The following DCAF6 variants were observed in gnomAD, a reference collection of about 807,000 sequenced individuals.
DCAF6 encodes the protein DDB1 and CUL4 associated factor 6, also known as DDB1- and CUL4-associated factor 6.
DCAF6 carries 54 observed loss-of-function variants against 125.1 expected under a neutral mutation model. The ratio of observed to expected loss-of-function variants is 0.43; its 90% CI spans 0.35 to 0.54. The LOEUF is 0.54. DCAF6 is among the 20% of genes least tolerant of loss of function. DCAF6 has a pLI of 0.01. For synonymous variants in DCAF6, 371 were observed against 390.4 expected (o/e 0.95, Z 0.58); for missense variants, 934 against 1,161.7 (o/e 0.80, Z 2.85).
chr1:167,959,649 A>C (rs1364569397), intron 2 of DCAF6, among the ~76,000 whole-genome samples: 1 of 152,136 alleles, frequency 6.6e-6, no homozygotes, highest in Non-Finnish European at 1.5e-5. Flanking sequence ...TTATCTTTTC[A>C]TATGCTCGTT....
chr1:167,872,617 C>G, the DCAF6 span, among the ~76,000 whole-genome samples: 2 of 151,742 alleles, frequency 1.3e-5, no homozygotes, highest in Non-Finnish European at 2.9e-5. Flanking sequence ...CATGCTGTTG[C>G]AATTTCATTT....
intron 4 of DCAF6, among the ~76,000 whole-genome samples, chr1:167,976,679 T>TA (rs1251369029): frequency 6.6e-6 from 1 of 152,108 alleles, no homozygotes; most frequent in East Asian, 1.9e-4. Flanking sequence ...ACTTGGAACA[T>TA]ACCTTGTTCC....
At chr1:168,034,377 G>T (rs1269285062) in intron 12 of DCAF6, among the ~76,000 whole-genome samples, 1 of 152,146 alleles carries the variant, frequency 6.6e-6, no homozygotes, top group Non-Finnish European at 1.5e-5. Context: ...TGGGCATGGT[G>T]ACACACACCT....
At chr1:167,986,965 AT>A (rs1680100297) in intron 4 of DCAF6, among the ~76,000 whole-genome samples, 1 of 152,204 alleles carries the variant, frequency 6.6e-6, no homozygotes, top group South Asian at 2.1e-4. Flanking sequence ...CATTTAAACT[AT>A]TGTTTTGAGA....
At chr1:167,986,986 G>A (rs920526498) in intron 4 of DCAF6, among the ~76,000 whole-genome samples, 11 of 152,146 alleles carry the variant, frequency 7.2e-5, no homozygotes, top group South Asian at 2.1e-4. Flanking sequence ...AGTACATTTC[G>A]TTGACATTAA....
At chr1:167,934,550 A>G (rs1218284716), upstream of DCAF6, among the ~76,000 whole-genome samples, 1 of 152,210 alleles carries the variant, frequency 6.6e-6, no homozygotes, top group Non-Finnish European at 1.5e-5. Context: ...GTTGCAGTAA[A>G]TAATATTAAG....
At chr1:167,965,659 G>C (rs1379480375) in intron 2 of DCAF6, among the ~76,000 whole-genome samples, 2 of 151,756 alleles carry the variant, frequency 1.3e-5, no homozygotes, top group African/African-American at 4.8e-5. Flanking sequence ...ACAGAGTCTT[G>C]CTCTGTCGCG....
chr1:167,985,388 A>T lies in DCAF6; in HGVS notation c.439-2107A>T, dbSNP rs995408920. ...TTGCCTTTTCCAGCTTCTAGAGGCT[A>T]CTTGCATTCCTTGGAGCAAGTCCCC... On this transcript the variant is annotated intron_variant, in intron 4 of 21. Coordinates refer to ENST00000367840, the MANE Select transcript of DCAF6 (RefSeq NM_001198956.2). 2.0e-5 allele frequency among the ~76,000 whole-genome samples: 3 copies of T among 152,200 alleles called. No individual in the cohort carries two copies. The East Asian group carries it at 5.8e-4, about 29-fold the overall frequency.
chr1:168,009,594 C>G (rs1171924631), intron 10 of DCAF6, among the ~76,000 whole-genome samples: 1 of 146,220 alleles, frequency 6.8e-6, no homozygotes, highest in Non-Finnish European at 1.5e-5. Flanking sequence ...CCTGTCTTTT[C>G]TTTTCTTTCC....
At chr1:167,936,674 C>T (rs1447758548), upstream of DCAF6, 1 of 475,890 alleles carries the variant, frequency 2.1e-6, no homozygotes. Flanking sequence ...GAGACTGTTG[C>T]TGATCTTTGG....
chr1:168,037,475 C>G (rs1687985775), intron 12 of DCAF6, among the ~76,000 whole-genome samples: 1 of 152,064 alleles, frequency 6.6e-6, no homozygotes, highest in African/African-American at 2.4e-5. Flanking sequence ...ATTTGTATTC[C>G]CTATGTATTT....
chr1:167,870,955 A>G, the DCAF6 span, among the ~76,000 whole-genome samples: 77,991 of 152,016 alleles, frequency 0.51, 20,243 homozygotes, highest in East Asian at 0.74. Flanking sequence ...AAGCTGTGAG[A>G]GAAAGTATTC....
chr1:168,058,402 T>G (rs1317904970), intron 17 of DCAF6, among the ~76,000 whole-genome samples: 1 of 152,238 alleles, frequency 6.6e-6, no homozygotes, highest in Non-Finnish European at 1.5e-5. Context: ...TCTAACAATA[T>G]TTTTTAAAAA....
intron 17 of DCAF6, chr1:168,056,400 C>T: frequency 6.5e-6 from 9 of 1,377,926 alleles, no homozygotes; most frequent in Non-Finnish European, 8.4e-6. Flanking sequence ...GGCCCGCACG[C>T]TCCGCACCAC....
the DCAF6 span, among the ~76,000 whole-genome samples, chr1:167,925,468 T>C: frequency 8.6e-6 from 1 of 116,092 alleles, no homozygotes; most frequent in African/African-American, 4.3e-5. Flanking sequence ...TATATATATA[T>C]ATATATACAT....
chr1:168,019,970 A>G, intron 11 of DCAF6: 1 of 153,448 alleles, frequency 6.5e-6, no homozygotes, highest in Admixed American at 6.4e-5. Flanking sequence ...TGGTTCTGCC[A>G]GCAGTCCTTA....
chr1:167,999,841 T>C (rs1265303894), intron 7 of DCAF6, among the ~76,000 whole-genome samples: 1 of 152,186 alleles, frequency 6.6e-6, no homozygotes, highest in African/African-American at 2.4e-5. Flanking sequence ...TAAGGCTGTT[T>C]CGTTTTCTTA....
intron 10 of DCAF6, among the ~76,000 whole-genome samples, chr1:168,005,055 A>G (rs140581779): frequency 1.1e-4 from 16 of 152,320 alleles, no homozygotes; most frequent in Admixed American, 6.5e-4. Context: ...GTTTTGACAT[A>G]GTTTAATGTG....
At chr1:168,045,336 G>T in intron 16 of DCAF6, 109 bp downstream of exon 16, 2 of 953,972 alleles carry the variant, frequency 2.1e-6, no homozygotes, top group Non-Finnish European at 3.1e-6. Flanking sequence ...TCCTCTAAGA[G>T]TGTCTCATTC....
Sources: allele counts gnomAD v4.1 joint callset (sites outside exome capture counted in the v4.1 genomes callset), GRCh38; gene constraint gnomAD v4.1.1; transcripts MANE v1.5; gene names NCBI Gene and HGNC (gene_info 2026-07-23, HGNC 2026-07-21).